Variants in CHN2 observed in about 807,000 individuals in gnomAD.
CHN2 encodes chimerin 2, also known as beta-chimaerin.
CHN2 carries 35 observed loss-of-function variants against 56.3 expected under a neutral mutation model. That is an observed-to-expected ratio of 0.62 (90% CI 0.47 to 0.82). The LOEUF (loss-of-function observed/expected upper bound fraction) is 0.82, where lower values mean the gene tolerates loss of function less well. CHN2 is among the 40% of genes least tolerant of loss of function. CHN2 has a pLI of 0.00. For missense variants in CHN2, 491 were observed against 580.5 expected, an observed-to-expected ratio of 0.85 and a Z score of 1.58; for synonymous variants, 210 against 212.8, an observed-to-expected ratio of 0.99 and a Z score of 0.12.
chr7:29,440,170 C>G (rs757901151), intron 6 of CHN2, among the ~76,000 whole-genome samples: 11 of 152,204 alleles, frequency 7.2e-5, no homozygotes, highest in Non-Finnish European at 5.9e-5. Flanking sequence ...ATCCCCCTCA[C>G]TGATTATAGC....
chr7:29,509,532 G>C (rs1327370762), intron 12 of CHN2, 126 bp downstream of exon 12: 1 of 686,432 alleles, frequency 1.5e-6, no homozygotes, highest in African/African-American at 1.8e-5. Flanking sequence ...ACCACTCCAG[G>C]CACTTTCAGT....
intron 1 of CHN2, among the ~76,000 whole-genome samples, chr7:29,351,107 C>CA (rs55787771): frequency 0.042 from 2,906 of 68,728 alleles, 122 homozygotes; most frequent in African/African-American, 0.1. Flanking sequence ...GACTCCATCT[C>CA]AAAAAAAAAA....
chr7:29,340,574 G>A (rs1367255297), intron 1 of CHN2, among the ~76,000 whole-genome samples: 1 of 152,188 alleles, frequency 6.6e-6, no homozygotes, highest in African/African-American at 2.4e-5. Context: ...TCCAGGTGCT[G>A]CAGAGCTAGA....
chr7:29,207,905 C>T (rs1017649165), intron 1 of CHN2, among the ~76,000 whole-genome samples: 1 of 152,158 alleles, frequency 6.6e-6, no homozygotes, highest in African/African-American at 2.4e-5. Context: ...TTTACTTTTA[C>T]CCCACACAAG....
At chr7:29,450,622 A>C (rs1562617184) in intron 6 of CHN2, among the ~76,000 whole-genome samples, 1 of 152,230 alleles carries the variant, frequency 6.6e-6, no homozygotes, top group Admixed American at 6.5e-5. Context: ...TTGCAGCCCC[A>C]AAAATTCTTT....
rs1799968671 is a variant in CHN2 at position 29,375,195 on chromosome 7, T to C, written c.144+7208T>C. Among the ~76,000 whole-genome samples, 6 of 110,178 alleles carry C rather than the reference T, an allele frequency of 5.4e-5. No homozygotes were observed. In the South Asian group the frequency reaches 2.2e-3, roughly 40 times the overall value. The allele number at this position is 110,178 out of a possible 152,430, so 72.3% of individuals were successfully genotyped here. A position where few individuals can be genotyped will look rare whatever the true frequency, so the allele number is the denominator to read the frequency against. ...ATGAGCCACCGTGCTCGGCCCTTTT[T>C]TTTTTTTTTTTTTTTTTTTTTTTGA... On this transcript the variant is annotated intron_variant, in intron 3 of 12. Coordinates refer to ENST00000222792, the MANE Select transcript of CHN2 (RefSeq NM_004067.4).
intron 2 of CHN2, among the ~76,000 whole-genome samples, chr7:29,157,849 C>T (rs1584470628): frequency 6.6e-6 from 1 of 152,162 alleles, no homozygotes; most frequent in East Asian, 1.9e-4. Context: ...AAAAAAAATC[C>T]TTCTATGTAG....
chr7:29,418,303 C>T (rs1291182598), intron 6 of CHN2, among the ~76,000 whole-genome samples: 1 of 152,212 alleles, frequency 6.6e-6, no homozygotes, highest in African/African-American at 2.4e-5. Context: ...ACAGAAGCTG[C>T]GGAAACTTCT....
intron 6 of CHN2, among the ~76,000 whole-genome samples, chr7:29,459,603 A>C (rs7786091): frequency 0.011 from 1,608 of 152,288 alleles, 29 homozygotes; most frequent in African/African-American, 0.036. Context: ...TTCTCTTTTG[A>C]GGTCAAGCAG....
chr7:29,478,155 G>C (rs1786764152), intron 6 of CHN2, among the ~76,000 whole-genome samples: 1 of 152,182 alleles, frequency 6.6e-6, no homozygotes, highest in Admixed American at 6.5e-5. Flanking sequence ...GGTAGCATTA[G>C]AATCAGAATG....
At chr7:29,269,463 T>G (rs2128844356) in intron 1 of CHN2, among the ~76,000 whole-genome samples, 1 of 152,336 alleles carries the variant, frequency 6.6e-6, no homozygotes, top group Admixed American at 6.5e-5. Context: ...TGATGGACAC[T>G]TAGGTTGACT....
intron 1 of CHN2, among the ~76,000 whole-genome samples, chr7:29,314,893 T>G (rs1794851280): frequency 6.6e-6 from 1 of 151,510 alleles, no homozygotes. Context: ...AATTGTTATA[T>G]TTAATCAAGC....
chr7:29,441,073 T>G (rs1380769703), intron 6 of CHN2, among the ~76,000 whole-genome samples: 3 of 152,230 alleles, frequency 2.0e-5, no homozygotes, highest in Non-Finnish European at 4.4e-5. Context: ...TGAGATTTAC[T>G]CTCTTAGCAT....
At chr7:29,257,137 C>T (rs1472809904) in intron 1 of CHN2, among the ~76,000 whole-genome samples, 1 of 152,200 alleles carries the variant, frequency 6.6e-6, no homozygotes, top group Non-Finnish European at 1.5e-5. Context: ...AATAGGTTTA[C>T]TCACCCATTG....
At position 29,363,284 on chromosome 7, in the gene CHN2, G is replaced by A. The variant is rs375374002; in HGVS notation, c.89-4648G>A. On this transcript the variant is annotated intron_variant, in intron 2 of 12. Coordinates refer to ENST00000222792, the MANE Select transcript of CHN2 (RefSeq NM_004067.4). Reference sequence around the variant, plus strand: ...GTGGATCACTTGAGGTCAGGAGTTCGAGACCAGCCTGACCAATATGGTGAA... The same window carrying A: ...GTGGATCACTTGAGGTCAGGAGTTCAAGACCAGCCTGACCAATATGGTGAA... 9.8e-4 allele frequency among the ~76,000 whole-genome samples: 149 copies of A among 152,306 alleles called. 1 individual carries two copies. Among genetic ancestry groups the A allele is most frequent in the Admixed American group, 1.8e-3 (27 of 15,302 alleles).
chr7:29,257,441 T>C (rs1739422889), intron 1 of CHN2, among the ~76,000 whole-genome samples: 1 of 152,210 alleles, frequency 6.6e-6, no homozygotes, highest in Admixed American at 6.5e-5. Flanking sequence ...TCCCTGTTCC[T>C]TGGGCACAAC....
At chr7:29,421,317 A>C (rs76623991) in intron 6 of CHN2, among the ~76,000 whole-genome samples, 1 of 152,118 alleles carries the variant, frequency 6.6e-6, no homozygotes, top group East Asian at 1.9e-4. Flanking sequence ...AGACTCCCCA[A>C]ATTAAAAATT....
chr7:29,309,671 T>C (rs1794440294), intron 1 of CHN2, among the ~76,000 whole-genome samples: 1 of 152,212 alleles, frequency 6.6e-6, no homozygotes, highest in African/African-American at 2.4e-5. Context: ...TTCGGGAGTT[T>C]GTGTTTTCTT....
intron 1 of CHN2, among the ~76,000 whole-genome samples, chr7:29,274,484 G>A (rs1326835073): frequency 6.6e-6 from 1 of 152,168 alleles, no homozygotes; most frequent in Non-Finnish European, 1.5e-5. Context: ...GCTATTTCCT[G>A]GGTGCAAAAT....
Sources: allele counts gnomAD v4.1 joint callset (sites outside exome capture counted in the v4.1 genomes callset), GRCh38; gene constraint gnomAD v4.1.1; transcripts MANE v1.5; gene names NCBI Gene and HGNC (gene_info 2026-07-23, HGNC 2026-07-21).